LDHC: variants seen among roughly 807,000 people sequenced by gnomAD.
The protein encoded by LDHC is lactate dehydrogenase C, also known as L-lactate dehydrogenase C chain.
In LDHC, 20 loss-of-function variants were observed where a neutral mutation model predicts 30.2. The observed-to-expected ratio is 0.66, with a 90% confidence interval of 0.47 to 0.96. LDHC has a LOEUF of 0.96. Among genes scored for constraint, LDHC ranks in the 40% least tolerant of loss-of-function variants. The probability of loss-of-function intolerance (pLI) is 0.00; values close to 1 mark genes in which losing one functional copy is unlikely to be tolerated. For missense variants in LDHC, 362 were observed against 394.9 expected, an observed-to-expected ratio of 0.92 and a Z score of 0.71; for synonymous variants, 139 against 132.7, an observed-to-expected ratio of 1.05 and a Z score of -0.32.
intron 3 of LDHC, among the ~76,000 whole-genome samples, chr11:18,420,094 G>C (rs2658553): frequency 0.13 from 19,001 of 151,608 alleles, 1,637 homozygotes; most frequent in African/African-American, 0.24. Flanking sequence ...CTCCGTCTTA[G>C]AACAACAACA....
At chr11:18,417,403 CTTTA>C (rs750669684) in intron 3 of LDHC, among the ~76,000 whole-genome samples, 18 of 152,090 alleles carry the variant, frequency 1.2e-4, no homozygotes, top group Non-Finnish European at 2.2e-4. Context: ...AATTTTATGA[CTTTA>C]TTTATTTTAT....
chr11:18,443,268 A>G (rs1009119509), intron 6 of LDHC, among the ~76,000 whole-genome samples: 1 of 152,086 alleles, frequency 6.6e-6, no homozygotes, highest in African/African-American at 2.4e-5. Flanking sequence ...CAATAAATGC[A>G]GGGATCTAAC....
chr11:18,415,179 T>G lies in LDHC; in HGVS notation c.127-5T>G, dbSNP rs771551884. On this transcript the variant is annotated splice_region_variant and splice_polypyrimidine_tract_variant and intron_variant, in intron 2 of 7. Transcript: ENST00000541669. ...CATTTTATTCAGAACTTTTGTATAT[T>G]TTAGGATTTGGCTGATGAACTTGCC... is the stretch of plus-strand genomic sequence containing the variant. The G allele has an allele frequency of 2.6e-6, 4 of 1,541,840 alleles. No homozygotes were observed. The Admixed American group carries it at 7.0e-5, about 27-fold the overall frequency.
At chr11:18,428,806 CAGACGTTGCAGTGAGCTG>C (rs1848210845) in intron 3 of LDHC, among the ~76,000 whole-genome samples, 1 of 150,262 alleles carries the variant, frequency 6.7e-6, no homozygotes, top group South Asian at 2.1e-4. Flanking sequence ...ACCTGAGTGG[CAGACGTTGCAGTGAGCTG>C]AGATGGCACC....
intron 3 of LDHC, among the ~76,000 whole-genome samples, chr11:18,427,358 A>C (rs1445505641): frequency 6.6e-6 from 1 of 152,180 alleles, no homozygotes; most frequent in East Asian, 1.9e-4. Flanking sequence ...GTGCCTCAAA[A>C]AAACAAACAA....
At chr11:18,416,823 C>G (rs1385644734) in intron 3 of LDHC, among the ~76,000 whole-genome samples, 1 of 151,800 alleles carries the variant, frequency 6.6e-6, no homozygotes, top group Non-Finnish European at 1.5e-5. Context: ...CCTACCCTCC[C>G]CAGCCCTCCA....
chr11:18,441,690 T>C (rs1435503079), intron 6 of LDHC, among the ~76,000 whole-genome samples: 1 of 150,824 alleles, frequency 6.6e-6, no homozygotes, highest in African/African-American at 2.4e-5. Flanking sequence ...GTTAGATCAC[T>C]TCTTAAGGTC....
intron 2 of LDHC, 81 bp downstream of exon 2, chr11:18,412,924 A>C (rs1374104770): frequency 5.2e-6 from 7 of 1,353,620 alleles, no homozygotes; most frequent in Non-Finnish European, 7.1e-6. Flanking sequence ...TCAGGGTTGC[A>C]AGGTTAATCC....
intron 3 of LDHC, among the ~76,000 whole-genome samples, chr11:18,428,707 T>C (rs1285077249): frequency 6.6e-6 from 1 of 151,878 alleles, no homozygotes; most frequent in African/African-American, 2.4e-5. Context: ...AAACCCCGTC[T>C]CTACCAAAAA....
At chr11:18,442,600 C>T (rs893731153) in intron 6 of LDHC, among the ~76,000 whole-genome samples, 8 of 151,406 alleles carry the variant, frequency 5.3e-5, no homozygotes, top group African/African-American at 1.2e-4. Context: ...CTATCACTTG[C>T]GTCTTATTAA....
chr11:18,433,484 G>A (rs1431801871), intron 4 of LDHC, among the ~76,000 whole-genome samples: 2 of 152,034 alleles, frequency 1.3e-5, no homozygotes, highest in Non-Finnish European at 2.9e-5. Context: ...TCTTATAGTG[G>A]TGGCTTGGTA....
chr11:18,419,260 G>A (rs898224175), intron 3 of LDHC, among the ~76,000 whole-genome samples: 3 of 152,190 alleles, frequency 2.0e-5, no homozygotes, highest in African/African-American at 7.2e-5. Context: ...TGGCTCCAGT[G>A]AGACTCTATT....
chr11:18,422,480 G>A (rs992841710), intron 3 of LDHC, among the ~76,000 whole-genome samples: 6 of 151,726 alleles, frequency 4.0e-5, no homozygotes, highest in Middle Eastern at 3.2e-3. Flanking sequence ...ACTTGAACCC[G>A]GAGGTGGAAG....
At chr11:18,427,712 C>G (rs938833939) in intron 3 of LDHC, among the ~76,000 whole-genome samples, 4 of 143,900 alleles carry the variant, frequency 2.8e-5, no homozygotes, top group African/African-American at 1.0e-4. Context: ...GAGTCTCGCT[C>G]TGTCACTCAG....
chr11:18,413,650 A>G (rs551283114), intron 2 of LDHC, among the ~76,000 whole-genome samples: 1 of 149,846 alleles, frequency 6.7e-6, no homozygotes, highest in Non-Finnish European at 1.5e-5. Context: ...TTTAGTAGAG[A>G]CGGGGTTTCA....
At chr11:18,439,872 A>C in intron 6 of LDHC, among the ~76,000 whole-genome samples, 1 of 149,586 alleles carries the variant, frequency 6.7e-6, no homozygotes, top group East Asian at 2.0e-4. Flanking sequence ...CGTGCCTGTA[A>C]TCCCAGCTAC....
At chr11:18,428,094 G>T (rs1379916515) in intron 3 of LDHC, among the ~76,000 whole-genome samples, 1 of 150,684 alleles carries the variant, frequency 6.6e-6, no homozygotes, top group Non-Finnish European at 1.5e-5. Flanking sequence ...AAAGATACAA[G>T]AATCACCATA....
intron 5 of LDHC, among the ~76,000 whole-genome samples, chr11:18,435,778 C>T (rs935007837): frequency 2.6e-5 from 4 of 152,146 alleles, no homozygotes; most frequent in African/African-American, 9.7e-5. Flanking sequence ...CCTACCCTAG[C>T]CCCAGGCAAC....
chr11:18,446,575 T>C (rs576772835), intron 7 of LDHC, among the ~76,000 whole-genome samples: 8 of 152,324 alleles, frequency 5.3e-5, no homozygotes, highest in African/African-American at 1.7e-4. Context: ...CCCTGGCATA[T>C]AAACAGTGTG....
Sources: gnomAD v4.1 joint callset for allele counts (sites outside exome capture counted in the v4.1 genomes callset) on GRCh38, gnomAD v4.1.1 for gene constraint, MANE v1.5 for transcripts, NCBI Gene and HGNC (gene_info 2026-07-23, HGNC 2026-07-21) for gene names.